COL19A1: variants seen among roughly 807,000 people sequenced by gnomAD.
COL19A1 encodes collagen type XIX alpha 1 chain.
Under a neutral mutation model 190.2 loss-of-function variants are expected in COL19A1, and 159 were observed. The ratio of observed to expected loss-of-function variants is 0.84; its 90% CI spans 0.73 to 0.95. The LOEUF (loss-of-function observed/expected upper bound fraction) is 0.95, where lower values mean the gene tolerates loss of function less well. Among genes scored for constraint, COL19A1 ranks in the 40% least tolerant of loss-of-function variants. The pLI, the probability that COL19A1 is intolerant of heterozygous loss-of-function variation, is 0.00. For missense variants in COL19A1, 1,418 were observed against 1,431.9 expected (o/e 0.99, Z 0.16); for synonymous variants, 509 against 458.9 (o/e 1.11, Z -1.39).
At chr6:69,925,727 G>T (rs1030851041) in intron 4 of COL19A1, among the ~76,000 whole-genome samples, 5 of 152,156 alleles carry the variant, frequency 3.3e-5, no homozygotes, top group Admixed American at 2.6e-4. Context: ...GGCATGGAAT[G>T]TTCTTCCATT....
In COL19A1 at chr6:70,188,109, A is replaced by G; in HGVS notation, c.2891A>G (p.Gln964Arg). ...DQGIPGDRGS[Q>R]GERGKPGLTG... ...GGGATTCCAGGAGACAGAGGCTCACAAGGTGAACGGGGAAAACCAGGCCTT... is the reference window on the plus strand; with the variant it reads ...GGGATTCCAGGAGACAGAGGCTCACGAGGTGAACGGGGAAAACCAGGCCTT... Residue 964 changes from glutamine to arginine, a missense_variant, in exon 47 of 51, where the codon CAA (glutamine) becomes CGA (arginine). Gln to Arg is a conservative substitution (Grantham distance 43, BLOSUM62 1). Transcript: ENST00000620364. The G allele has an allele frequency of 6.2e-7, 1 of 1,613,686 alleles. No homozygotes were observed. Among genetic ancestry groups the G allele is most frequent in the Non-Finnish European group, 8.5e-7 (1 of 1,179,806 alleles).
intron 11 of COL19A1, among the ~76,000 whole-genome samples, chr6:70,018,927 C>A (rs190461649): frequency 1.3e-5 from 2 of 152,208 alleles, no homozygotes; most frequent in African/African-American, 2.4e-5. Context: ...GGATACCTTG[C>A]CAGGGCTGAA....
intron 4 of COL19A1, among the ~76,000 whole-genome samples, chr6:69,924,733 C>A (rs1772239412): frequency 6.6e-6 from 1 of 152,158 alleles, no homozygotes; most frequent in Non-Finnish European, 1.5e-5. Flanking sequence ...TTCTCCACAT[C>A]CTCTCCAGCA....
chr6:69,981,455 T>C (rs1473367622), intron 11 of COL19A1, among the ~76,000 whole-genome samples: 1 of 152,162 alleles, frequency 6.6e-6, no homozygotes, highest in Non-Finnish European at 1.5e-5. Context: ...AAAATCCTGA[T>C]TGTGCCTGTA....
At chr6:70,132,073 T>G (rs553147156) in intron 18 of COL19A1, among the ~76,000 whole-genome samples, 2 of 152,024 alleles carry the variant, frequency 1.3e-5, no homozygotes, top group African/African-American at 4.8e-5. Flanking sequence ...TTAAAAAGCG[T>G]GATTAACAGG....
chr6:70,049,417 C>T (rs1176326483), intron 14 of COL19A1, among the ~76,000 whole-genome samples: 1 of 151,798 alleles, frequency 6.6e-6, no homozygotes, highest in East Asian at 1.9e-4. Context: ...GAAATACTGG[C>T]GAGTTGATGC....
At chr6:69,988,579 A>G (rs1776434091) in intron 11 of COL19A1, among the ~76,000 whole-genome samples, 1 of 152,340 alleles carries the variant, frequency 6.6e-6, no homozygotes, top group East Asian at 1.9e-4. Context: ...CATGTATCAG[A>G]CAAGAAAGTT....
Position 70,120,191 on chromosome 6 carries a change from C to T in COL19A1, c.1279-1689C>T, listed in dbSNP as rs114908816. ...AATTTTTATGCTATATTTAAGAGTTCTAATAATTAAGACCCTCTCTTTTAA... is the reference window on the plus strand; with the variant it reads ...AATTTTTATGCTATATTTAAGAGTTTTAATAATTAAGACCCTCTCTTTTAA... On this transcript the variant is annotated intron_variant, in intron 16 of 50. Coordinates refer to ENST00000620364, the MANE Select transcript of COL19A1 (RefSeq NM_001858.6). Among the ~76,000 whole-genome samples the T allele has an allele frequency of 2.6e-3, 394 of 152,280 alleles. 2 individuals are homozygous for T. The highest frequency in any genetic ancestry group is 8.8e-3 in the African/African-American group (364 of 41,556).
intron 17 of COL19A1, among the ~76,000 whole-genome samples, chr6:70,127,948 C>G (rs1785300168): frequency 6.6e-6 from 1 of 152,128 alleles, no homozygotes; most frequent in African/African-American, 2.4e-5. Flanking sequence ...TCTTTCTTTC[C>G]TTAATTGTTT....
chr6:70,105,800 G>C (rs953760511), intron 16 of COL19A1, among the ~76,000 whole-genome samples: 1 of 152,096 alleles, frequency 6.6e-6, no homozygotes, highest in African/African-American at 2.4e-5. Flanking sequence ...AATATCTTAT[G>C]AAAATGTGAA....
chr6:70,098,626 G>C, intron 15 of COL19A1: 1 of 381,832 alleles, frequency 2.6e-6, no homozygotes, highest in South Asian at 2.3e-5. Flanking sequence ...CACAGTGGTG[G>C]CACAATGTGT....
rs887326264 is a variant in COL19A1 at position 70,209,953 on chromosome 6, G to A, written c.*2679G>A. ...TAAATAATTTGGGCCCCAAAGTAGGGTGGGAAGTTTTCCTCTAAATGACTT... is the reference window on the plus strand; with the variant it reads ...TAAATAATTTGGGCCCCAAAGTAGGATGGGAAGTTTTCCTCTAAATGACTT... On this transcript the variant is annotated 3_prime_UTR_variant, in exon 51 of 51. Transcript: ENST00000620364. The A allele has an allele frequency of 3.3e-5, 5 of 152,188 alleles. No individual in the cohort carries two copies. Among genetic ancestry groups the A allele is most frequent in the African/African-American group, 1.2e-4 (5 of 41,450 alleles). The allele number at this position is 152,188 out of a possible 1,614,324, so 9.4% of individuals were successfully genotyped here.
chr6:70,143,858 T>G (rs1435433736), intron 23 of COL19A1, among the ~76,000 whole-genome samples: 1 of 151,954 alleles, frequency 6.6e-6, no homozygotes, highest in African/African-American at 2.4e-5. Flanking sequence ...AGCCACTGTT[T>G]CTAAAACATA....
chr6:70,018,358 T>A (rs1778232859), intron 11 of COL19A1, among the ~76,000 whole-genome samples: 1 of 152,126 alleles, frequency 6.6e-6, no homozygotes, highest in Non-Finnish European at 1.5e-5. Context: ...GGAATGGCAC[T>A]CTTTAAGGAC....
Position 69,940,603 on chromosome 6 carries a change from A to G in COL19A1, c.936+2503A>G, listed in dbSNP as rs117284339. Among the ~76,000 whole-genome samples, 3 of 152,340 alleles carry G rather than the reference A, an allele frequency of 2.0e-5. No homozygotes were observed. The East Asian group carries it at 5.8e-4, about 29-fold the overall frequency. On this transcript the variant is annotated intron_variant, in intron 9 of 50. Transcript: ENST00000620364. ...TCTGCAGTATGTTTTAAGAATATTA[A>G]CATTTGTTTTAAATTCCATGATAAT...
chr6:70,140,031 C>A (rs1243170167), intron 19 of COL19A1, among the ~76,000 whole-genome samples: 2 of 150,530 alleles, frequency 1.3e-5, no homozygotes, highest in African/African-American at 4.9e-5. Flanking sequence ...TAAGCAAAAA[C>A]AAGCAGGGAA....
At position 70,102,887 on chromosome 6, in the gene COL19A1, C is replaced by T. The variant is rs62420152; in HGVS notation, c.1278+665C>T. ...ACTTTTCAGGCTTCTTCTTACTTTA[C>T]TGCTACACAGAAATGTATACTATTG... On this transcript the variant is annotated intron_variant, in intron 16 of 50. Transcript: ENST00000620364. 3.8e-3 allele frequency among the ~76,000 whole-genome samples: 581 copies of T among 152,290 alleles called. 1 individual carries two copies. Among genetic ancestry groups the T allele is most frequent in the Non-Finnish European group, 6.5e-3 (443 of 68,034 alleles).
intron 35 of COL19A1, 67 bp from the exon 36 acceptor site, chr6:70,163,276 C>A: frequency 7.0e-7 from 1 of 1,436,282 alleles, no homozygotes; most frequent in South Asian, 1.2e-5. Context: ...TTTTAGTAAC[C>A]AACTTCCAAT....
chr6:70,089,861 C>T (rs1782796352), intron 15 of COL19A1, among the ~76,000 whole-genome samples: 1 of 152,144 alleles, frequency 6.6e-6, no homozygotes. Flanking sequence ...AAATAGATCT[C>T]ACTTCCTTAT....
Sources: allele counts gnomAD v4.1 joint callset (sites outside exome capture counted in the v4.1 genomes callset), GRCh38; gene constraint gnomAD v4.1.1; transcripts MANE v1.5; gene names NCBI Gene and HGNC (gene_info 2026-07-23, HGNC 2026-07-21).